The following KLRC3 variants were observed in gnomAD, a reference collection of about 807,000 sequenced individuals.
The protein encoded by KLRC3 is killer cell lectin like receptor C3.
Under a neutral mutation model 23.6 loss-of-function variants are expected in KLRC3, and 16 were observed. That is an observed-to-expected ratio of 0.68 (90% CI 0.46 to 1.03). The LOEUF (loss-of-function observed/expected upper bound fraction) is 1.03. KLRC3 is among the 50% of genes least tolerant of loss of function. The pLI is 0.00. For synonymous variants in KLRC3, 70 were observed against 71.8 expected (o/e 0.98, Z 0.13); for missense variants, 209 against 232.2 (o/e 0.90, Z 0.65).
rs999447629 is a variant in KLRC3 at position 10,415,501 on chromosome 12, C to T, written c.678+203G>A. The T allele has an allele frequency of 1.1e-5, 9 of 853,808 alleles. No individual in the cohort carries two copies. The African/African-American group carries it at 1.4e-4, about 13-fold the overall frequency. The allele number at this position is 853,808 out of a possible 1,614,324, so 52.9% of individuals were successfully genotyped here. A position where few individuals can be genotyped will look rare whatever the true frequency, so the allele number is the denominator to read the frequency against. Reference sequence around the variant, plus strand: ...ATCACGTTCAGCAAAATGAGCCTGACTTAAATGCGAGGGTATCTGTACTTC... The same window carrying T: ...ATCACGTTCAGCAAAATGAGCCTGATTTAAATGCGAGGGTATCTGTACTTC... On this transcript the variant is annotated intron_variant, in intron 6 of 6. Coordinates refer to ENST00000396439, the MANE Select transcript of KLRC3 (RefSeq NM_002261.3).
intron 6 of KLRC3, 170 bp downstream of exon 6, chr12:10,415,532 TTG>T (rs1418009318): frequency 6.4e-6 from 7 of 1,087,410 alleles, no homozygotes; most frequent in African/African-American, 1.6e-5. Flanking sequence ...ACTTCCGTAA[TTG>T]TGTGTATTAT....
At position 10,416,222 on chromosome 12, in the gene KLRC3, C is replaced by T. The variant is rs144581732; in HGVS notation, c.588-428G>A. ...TTAATGAAAACAAGCACTGCAATTC[C>T]CTGATAGTCCATCTCAAGCTTGTCT... On this transcript the variant is annotated intron_variant, in intron 5 of 6. Transcript: ENST00000396439. Among the ~76,000 whole-genome samples the T allele has an allele frequency of 1.6e-4, 25 of 152,352 alleles. No individual in the cohort carries two copies. The East Asian group carries it at 4.6e-3, about 28-fold the overall frequency.
At position 10,420,481 on chromosome 12, in the gene KLRC3, G is replaced by T. The variant is rs778398468; in HGVS notation, c.70C>A (p.Pro24Thr). ...AQDPKWQQRK[P>T]KGNKSSISGT... ...GAAATGGAGCTTTTATTGCCTTTAGGTTTCCTTTGCTGCCACTTTGGGTCC... is the reference window on the plus strand; with the variant it reads ...GAAATGGAGCTTTTATTGCCTTTAGTTTTCCTTTGCTGCCACTTTGGGTCC... Residue 24 changes from proline to threonine, a missense_variant, in exon 1 of 7, where the codon CCT becomes ACT. Pro to Thr is a conservative substitution (Grantham distance 38, BLOSUM62 -1). Around this residue, in one of 4 missense-constraint regions of KLRC3, gnomAD observed 9 missense variants for 28.5 expected, o/e 0.32. Coordinates refer to ENST00000396439, the MANE Select transcript of KLRC3 (RefSeq NM_002261.3). 9.3e-6 allele frequency: 15 copies of T among 1,611,624 alleles called. No homozygotes were observed. Among genetic ancestry groups the T allele is most frequent in the African/African-American group, 1.3e-5 (1 of 74,192 alleles).
Position 10,412,341 on chromosome 12 carries a change from C to T in KLRC3, c.*231G>A. The T allele has an allele frequency of 1.8e-6, 1 of 554,488 alleles. No homozygotes were observed. The highest frequency in any genetic ancestry group is 3.2e-6 in the Non-Finnish European group (1 of 315,962). The allele number at this position is 554,488 out of a possible 1,614,324, so 34.3% of individuals were successfully genotyped here. ...ATTGTTCATTGATTTATTTTCCAAT[C>T]ATAACGGTCTGCATTTTAATATTAA... On this transcript the variant is annotated 3_prime_UTR_variant, in exon 7 of 7. Coordinates refer to ENST00000396439, the MANE Select transcript of KLRC3 (RefSeq NM_002261.3).
In KLRC3 at chr12:10,415,711, C is replaced by T; in HGVS notation, c.671G>A (p.Arg224Lys). The change falls in exon 6 of 7, where the codon AGA becomes AAA. Residue 224 changes from arginine to lysine, a missense_variant. Physicochemically the swap from Arg to Lys is conservative, Grantham distance 26 (BLOSUM62 2). This residue lies in a region of KLRC3 where 74 missense variants were observed against 51.0 expected (regional missense o/e 1.45). Transcript: ENST00000396439. ...TCTAAAGCTTATGCTCACAATGATT[C>T]TTGAAGATCCACACTGGTCTGATAT... ...GLISDQCGSS[R>K]IIRRGFIMLT... is the part of the protein sequence containing the mutation. 1.2e-6 allele frequency: 2 copies of T among 1,613,668 alleles called. No individual in the cohort carries two copies. The highest frequency in any genetic ancestry group is 1.7e-6 in the Non-Finnish European group (2 of 1,179,722).
rs78397307 is a variant in KLRC3, at chr12:10,414,542, T to C, written c.678+1162A>G. On this transcript the variant is annotated intron_variant, in intron 6 of 6. Coordinates refer to ENST00000396439, the MANE Select transcript of KLRC3 (RefSeq NM_002261.3). Reference sequence around the variant, plus strand: ...GAAAAAATAAGTTGTGGCACATGGATAGAAAAAATAAAAGTGTGATTATTT... The same window carrying C: ...GAAAAAATAAGTTGTGGCACATGGACAGAAAAAATAAAAGTGTGATTATTT... Among the ~76,000 whole-genome samples the C allele has an allele frequency of 8.9e-3, 1,178 of 131,918 alleles. 15 individuals carry two copies. Among genetic ancestry groups the C allele is most frequent in the African/African-American group, 0.031 (1,092 of 34,890 alleles). 86.5% of individuals were successfully genotyped at this position (131,918 alleles called of 152,430 possible).
In KLRC3 at chr12:10,415,787, CT is replaced by C. The variant is rs542624954; in HGVS notation, c.594del (p.Asp199ThrfsTer35). ...CAGTTACGTTCAGCATGATCTGAGTCTTTTATCCTGTAATGGAGAAAAATCC... is the reference window on the plus strand; with the variant it reads ...CAGTTACGTTCAGCATGATCTGAGTCTTTATCCTGTAATGGAGAAAAATCC... ...INGLAFKHEI[K>X]DSDHAERNCA... On this transcript the variant is annotated frameshift_variant, in exon 6 of 7. Transcript: ENST00000396439. LOFTEE classifies it high-confidence loss of function. 1.3e-5 allele frequency: 21 copies of C among 1,609,076 alleles called. No individual in the cohort carries two copies. In the African/African-American group the frequency reaches 2.8e-4, roughly 22 times the overall value.
intron 3 of KLRC3, among the ~76,000 whole-genome samples, chr12:10,418,733 C>T (rs908650389): frequency 6.6e-6 from 1 of 152,114 alleles, no homozygotes; most frequent in Non-Finnish European, 1.5e-5. Context: ...AACAAAAATA[C>T]ACTCCACACA....
rs756756626 is a variant in KLRC3, at chr12:10,418,516, T to A, written c.332-18A>T. 1.2e-5 allele frequency: 19 copies of A among 1,551,918 alleles called. No individual in the cohort carries two copies. The highest frequency in any genetic ancestry group is 1.7e-5 in the Admixed American group (1 of 57,636). ...ATGACGTGCTAATAAAGATATGAATTACTATCTAGACCAATATGAATTTTT... is the reference window on the plus strand; with the variant it reads ...ATGACGTGCTAATAAAGATATGAATAACTATCTAGACCAATATGAATTTTT... On this transcript the variant is annotated intron_variant, in intron 3 of 6. Coordinates refer to ENST00000396439, the MANE Select transcript of KLRC3 (RefSeq NM_002261.3).
intron 6 of KLRC3, among the ~76,000 whole-genome samples, chr12:10,414,701 G>C (rs1320528428): frequency 6.6e-6 from 1 of 150,420 alleles, no homozygotes; most frequent in Non-Finnish European, 1.5e-5. Context: ...CATGGCACAT[G>C]TATACATATG....
At chr12:10,412,660 T>C in intron 6 of KLRC3, 44 bp from the exon 7 acceptor site, 1 of 688,780 alleles carries the variant, frequency 1.5e-6, no homozygotes, top group Non-Finnish European at 2.6e-6. Context: ...GGTATTGGCC[T>C]GTAGCCAGCT....
intron 6 of KLRC3, among the ~76,000 whole-genome samples, chr12:10,413,253 A>G (rs1440197755): frequency 6.6e-6 from 1 of 152,198 alleles, no homozygotes; most frequent in African/African-American, 2.4e-5. Context: ...ATGGTTTTTA[A>G]TTCAGTAATA....
At chr12:10,412,966 G>A (rs1565501627) in intron 6 of KLRC3, among the ~76,000 whole-genome samples, 1 of 152,046 alleles carries the variant, frequency 6.6e-6, no homozygotes. Context: ...AACTAGACAA[G>A]TAACCATCAC....
Position 10,415,771 on chromosome 12 carries a change from T to A in KLRC3, c.611A>T (p.Glu204Val). Residue 204 changes from glutamate (E) to valine (V), a missense_variant, in exon 6 of 7, where the codon GAA becomes GTA. Glu to Val is a moderately radical substitution (Grantham distance 121). This residue lies in a region of KLRC3 where 74 missense variants were observed against 51.0 expected (regional missense o/e 1.45). Coordinates refer to ENST00000396439, the MANE Select transcript of KLRC3 (RefSeq NM_002261.3). ...KHEIKDSDHAERNCAMLHVRG... is the reference protein window; with the variant it reads ...KHEIKDSDHAVRNCAMLHVRG... ...TACATGTAGCATTGCACAGTTACGTTCAGCATGATCTGAGTCTTTTATCCT... is the reference window on the plus strand; with the variant it reads ...TACATGTAGCATTGCACAGTTACGTACAGCATGATCTGAGTCTTTTATCCT... 9 of 1,611,352 alleles carry A rather than the reference T, an allele frequency of 5.6e-6. No homozygotes were observed. Among genetic ancestry groups the A allele is most frequent in the Non-Finnish European group, 7.6e-6 (9 of 1,178,758 alleles).
In KLRC3 at chr12:10,415,799, A is replaced by G; in HGVS notation, c.588-5T>C. 1 of 1,597,348 alleles carries G rather than the reference A, an allele frequency of 6.3e-7. No homozygotes were observed. Among genetic ancestry groups the G allele is most frequent in the Non-Finnish European group, 8.6e-7 (1 of 1,167,080 alleles). ...GCATGATCTGAGTCTTTTATCCTGT[A>G]ATGGAGAAAAATCCATAATTCTGTT... On this transcript the variant is annotated splice_polypyrimidine_tract_variant and splice_region_variant and intron_variant, in intron 5 of 6. Transcript: ENST00000396439.
chr12:10,415,260 A>G (rs1863623962), intron 6 of KLRC3, among the ~76,000 whole-genome samples: 1 of 152,248 alleles, frequency 6.6e-6, no homozygotes, highest in African/African-American at 2.4e-5. Context: ...GTGTATTCAC[A>G]GAGTTACAAC....
intron 4 of KLRC3, among the ~76,000 whole-genome samples, chr12:10,416,975 A>G (rs1364537432): frequency 5.9e-5 from 9 of 152,010 alleles, no homozygotes; most frequent in Admixed American, 2.0e-4. Context: ...TTGCAATGTA[A>G]TAGTTACTCC....
rs376217875 is a variant in KLRC3 at position 10,414,800 on chromosome 12, T to G, written c.678+904A>C. On this transcript the variant is annotated intron_variant, in intron 6 of 6. Transcript: ENST00000396439. ...AAAAAAAAAGAAAAAGAAAAGAAAA[T>G]AAAATTGCTGTTTATATAGAAAATC... 4.5e-4 allele frequency among the ~76,000 whole-genome samples: 67 copies of G among 150,518 alleles called. No individual in the cohort carries two copies. In the South Asian group the frequency reaches 6.7e-3, roughly 15 times the overall value.
chr12:10,414,367 TG>T (rs1336405799), intron 6 of KLRC3, among the ~76,000 whole-genome samples: 8 of 152,020 alleles, frequency 5.3e-5, no homozygotes, highest in African/African-American at 1.9e-4. Flanking sequence ...AAAGATATGA[TG>T]AAAAAAACAC....
Sources: gnomAD v4.1 joint callset for allele counts (sites outside exome capture counted in the v4.1 genomes callset) on GRCh38, gnomAD v4.1.1 for gene constraint, gnomAD v4.1.1 regional missense constraint, MANE v1.5 for transcripts, NCBI Gene and HGNC (gene_info 2026-07-23, HGNC 2026-07-21) for gene names.